DYM: variants seen among roughly 807,000 people sequenced by gnomAD.
The protein encoded by DYM is dyggve-Melchior-Clausen syndrome protein.
DYM carries 78 observed loss-of-function variants against 93.1 expected under a neutral mutation model. That is an observed-to-expected ratio of 0.84 (90% confidence interval 0.70 to 1.01). DYM has a LOEUF of 1.01. DYM is among the 50% of genes least tolerant of loss of function. The probability of loss-of-function intolerance (pLI) is 0.00; values close to 1 mark genes in which losing one functional copy is unlikely to be tolerated. For missense variants in DYM, 789 were observed against 845.0 expected (o/e 0.93, Z 0.82); for synonymous variants, 321 against 319.7 (o/e 1.00, Z -0.04).
intron 3 of DYM, among the ~76,000 whole-genome samples, chr18:49,390,988 G>C (rs1390841084): frequency 1.3e-5 from 2 of 152,172 alleles, no homozygotes; most frequent in African/African-American, 4.8e-5. Flanking sequence ...AAGCATTTGA[G>C]AAACAAGACC....
chr18:49,154,780 A>G (rs1303977770), intron 15 of DYM, among the ~76,000 whole-genome samples: 1 of 131,486 alleles, frequency 7.6e-6, no homozygotes, highest in African/African-American at 2.8e-5. Flanking sequence ...TACTTGACAG[A>G]AATTCAAGAT....
Position 49,286,047 on chromosome 18 carries a change from CT to C in DYM, c.946+386del, listed in dbSNP as rs796158142. Among the ~76,000 whole-genome samples, 159 of 149,300 alleles carry C rather than the reference CT, an allele frequency of 1.1e-3. 2 individuals carry two copies. Among genetic ancestry groups the C allele is most frequent in the African/African-American group, 3.7e-3 (150 of 40,790 alleles). ...AAGGTTTTCTGATTTGTGTTCTAAT[CT>C]TTTTTTTTTGTTTTTGAGACCTAAT... On this transcript the variant is annotated intron_variant, in intron 9 of 17. Coordinates refer to ENST00000675505, the MANE Select transcript of DYM (RefSeq NM_001353214.3).
At chr18:49,384,296 T>A (rs1191563063) in intron 3 of DYM, among the ~76,000 whole-genome samples, 2 of 122,836 alleles carry the variant, frequency 1.6e-5, no homozygotes, top group African/African-American at 6.4e-5. Flanking sequence ...CACTCCAGCA[T>A]GAGCGACAGA....
chr18:49,215,798 G>A lies in DYM; in HGVS notation c.1461-6083C>T, dbSNP rs182892802. Among the ~76,000 whole-genome samples, 430 of 152,318 alleles carry A rather than the reference G, an allele frequency of 2.8e-3. 1 individual carries two copies. The highest frequency in any genetic ancestry group is 5.4e-3 in the Admixed American group (82 of 15,298). ...AAGATGGCCGAATAGGAACAGCTCC[G>A]GTCTACAGCTCCCAGAGTAAGCAAT... is the stretch of plus-strand genomic sequence containing the variant. On this transcript the variant is annotated intron_variant, in intron 13 of 17. Coordinates refer to ENST00000675505, the MANE Select transcript of DYM (RefSeq NM_001353214.3).
intron 16 of DYM, chr18:49,114,686 T>G (rs2081769700): frequency 1.9e-6 from 1 of 514,624 alleles, no homozygotes; most frequent in Non-Finnish European, 2.5e-6. Flanking sequence ...TGTGTGTGTG[T>G]GTGTTTAAGA....
At chr18:49,314,970 T>G (rs1369152503) in intron 8 of DYM, among the ~76,000 whole-genome samples, 1 of 152,134 alleles carries the variant, frequency 6.6e-6, no homozygotes, top group Admixed American at 6.5e-5. Flanking sequence ...ATCTCAGAAC[T>G]TTGGGAGGCC....
chr18:49,385,078 G>GA lies in DYM; in HGVS notation c.194-5321dup, dbSNP rs112554315. On this transcript the variant is annotated intron_variant, in intron 3 of 17. Coordinates refer to ENST00000675505, the MANE Select transcript of DYM (RefSeq NM_001353214.3). ...AAGTCTCATGAACAAAAAGAAAAAA[G>GA]AAAAAAAAAAAGGACAAATGAGGCC... Among the ~76,000 whole-genome samples the GA allele has an allele frequency of 1.6e-3, 225 of 138,620 alleles. 2 individuals are homozygous for GA. In the East Asian group the frequency reaches 0.022, roughly 14 times the overall value. 90.9% of individuals were successfully genotyped at this position (138,620 alleles called of 152,430 possible).
At chr18:49,398,694 C>T (rs2070417510) in intron 2 of DYM, among the ~76,000 whole-genome samples, 1 of 152,156 alleles carries the variant, frequency 6.6e-6, no homozygotes, top group Non-Finnish European at 1.5e-5. Context: ...TGAGACACTC[C>T]AGTGTCTTCA....
At chr18:49,217,013 T>C (rs980839553) in intron 13 of DYM, among the ~76,000 whole-genome samples, 1 of 152,088 alleles carries the variant, frequency 6.6e-6, no homozygotes, top group Admixed American at 6.5e-5. Flanking sequence ...CGAAAAAAAT[T>C]TAGACGAATG....
At chr18:49,055,874 C>T (rs73439647) in intron 17 of DYM, among the ~76,000 whole-genome samples, 2 of 152,198 alleles carry the variant, frequency 1.3e-5, no homozygotes, top group East Asian at 1.9e-4. Flanking sequence ...TTCCCTCCAG[C>T]GTTCCAGGAA....
chr18:49,144,775 C>T (rs2084902149), intron 15 of DYM, among the ~76,000 whole-genome samples: 1 of 151,890 alleles, frequency 6.6e-6, no homozygotes, highest in Admixed American at 6.6e-5. Flanking sequence ...TATTTTAAAT[C>T]TGCATATAAT....
intron 6 of DYM, among the ~76,000 whole-genome samples, chr18:49,334,751 A>T (rs1325531509): frequency 6.6e-6 from 1 of 152,246 alleles, no homozygotes; most frequent in East Asian, 1.9e-4. Flanking sequence ...TGATGACTTG[A>T]TTCTAGAACT....
At chr18:49,215,244 A>G (rs752799704) in intron 13 of DYM, among the ~76,000 whole-genome samples, 2 of 152,096 alleles carry the variant, frequency 1.3e-5, no homozygotes, top group Non-Finnish European at 2.9e-5. Context: ...TCTCTGATTG[A>G]TATTAAAATC....
chr18:49,149,076 A>T (rs1343551737), intron 15 of DYM, among the ~76,000 whole-genome samples: 3 of 152,204 alleles, frequency 2.0e-5, no homozygotes, highest in Non-Finnish European at 2.9e-5. Context: ...GTGACAGATC[A>T]TCAGGTATTA....
At chr18:49,425,950 A>C (rs1313127547) in intron 2 of DYM, among the ~76,000 whole-genome samples, 1 of 151,830 alleles carries the variant, frequency 6.6e-6, no homozygotes, top group African/African-American at 2.4e-5. Flanking sequence ...TGTTGGTGGG[A>C]CTGTAAACTA....
At chr18:49,081,822 C>T (rs2078069045) in intron 17 of DYM, among the ~76,000 whole-genome samples, 1 of 152,130 alleles carries the variant, frequency 6.6e-6, no homozygotes, top group South Asian at 2.1e-4. Context: ...GCTACTTTTC[C>T]ACATGTGCCC....
intron 15 of DYM, among the ~76,000 whole-genome samples, chr18:49,145,425 T>C (rs2085015224): frequency 6.6e-6 from 1 of 152,106 alleles, no homozygotes; most frequent in South Asian, 2.1e-4. Context: ...TTTAAACTTT[T>C]GTTTCATAAT....
intron 15 of DYM, among the ~76,000 whole-genome samples, chr18:49,124,328 A>G (rs1211830970): frequency 2.0e-5 from 3 of 151,758 alleles, no homozygotes; most frequent in Non-Finnish European, 4.4e-5. Flanking sequence ...ACTGAGCAAG[A>G]CCCCATCTCT....
rs188596011 is a variant in DYM, at chr18:49,179,744, C to T, written c.1626-15957G>A. On this transcript the variant is annotated intron_variant, in intron 14 of 17. Transcript: ENST00000675505. ...TAAATTGCCCAAGGTCTGTTTAACA[C>T]GAAGTATCTACTGCTTCCTCTGTAT... Among the ~76,000 whole-genome samples the T allele has an allele frequency of 3.2e-4, 48 of 152,214 alleles. 1 individual carries two copies. Among genetic ancestry groups the T allele is most frequent in the African/African-American group, 1.1e-3 (44 of 41,546 alleles).
Sources: allele counts gnomAD v4.1 joint callset (sites outside exome capture counted in the v4.1 genomes callset), GRCh38; gene constraint gnomAD v4.1.1; transcripts MANE v1.5; gene names NCBI Gene and HGNC (gene_info 2026-07-23, HGNC 2026-07-21).